The following C2CD3 variants were observed in gnomAD, a reference collection of about 807,000 sequenced individuals.
C2CD3 encodes C2 domain containing 3 centriole elongation regulator, also known as C2 domain-containing protein 3.
In C2CD3, 148 loss-of-function variants were observed where a neutral mutation model predicts 234.0. That is an observed-to-expected ratio of 0.63 (90% CI 0.55 to 0.72). The LOEUF (loss-of-function observed/expected upper bound fraction) is 0.72. Among genes scored for constraint, C2CD3 ranks in the 30% least tolerant of loss-of-function variants. C2CD3 has a pLI of 0.00. For synonymous variants in C2CD3, 1,000 were observed against 1,035.4 expected (o/e 0.97, Z 0.66); for missense variants, 2,577 against 2,811.5 (o/e 0.92, Z 1.89).
chr11:74,159,947 A>G (rs542077295), intron 3 of C2CD3, among the ~76,000 whole-genome samples: 5 of 152,176 alleles, frequency 3.3e-5, no homozygotes, highest in African/African-American at 4.8e-5. Context: ...TTCTATACTG[A>G]TATCTTTTAA....
rs561593950 is a variant in C2CD3, at chr11:74,126,264, T to C, written c.1218-3129A>G. 1.1e-3 allele frequency among the ~76,000 whole-genome samples: 164 copies of C among 152,334 alleles called. 2 individuals are homozygous for C. Among genetic ancestry groups the C allele is most frequent in the South Asian group, 1.4e-3 (7 of 4,828 alleles). Reference sequence around the variant, plus strand: ...TGTCATTCCAATTCCTGATACTGTATATGTGACCTTTATTCTTTCTCCCTC... The same window carrying C: ...TGTCATTCCAATTCCTGATACTGTACATGTGACCTTTATTCTTTCTCCCTC... On this transcript the variant is annotated intron_variant, in intron 7 of 32. Transcript: ENST00000334126.
At chr11:74,029,581 C>T (rs1952439706) in intron 31 of C2CD3, among the ~76,000 whole-genome samples, 1 of 152,216 alleles carries the variant, frequency 6.6e-6, no homozygotes, top group African/African-American at 2.4e-5. Context: ...GATCTATTTG[C>T]TGTTGCTGAA....
In C2CD3 at chr11:74,118,666, T is replaced by C. The variant is rs114513062; in HGVS notation, c.1366-284A>G. The stretch of plus-strand genomic sequence containing the variant: ...TATTATTTATTGACTATAGACCATA[T>C]GTCTGGTATTATGCTTAATGCTACA... On this transcript the variant is annotated intron_variant, in intron 8 of 32. Coordinates refer to ENST00000334126, the MANE Select transcript of C2CD3 (RefSeq NM_001286577.2). Among the ~76,000 whole-genome samples the C allele has an allele frequency of 4.2e-3, 647 of 152,318 alleles. 4 individuals carry two copies. The highest frequency in any genetic ancestry group is 0.015 in the African/African-American group (622 of 41,570).
At chr11:74,103,662 T>G in intron 13 of C2CD3, 37 bp from the exon 14 acceptor site, 1 of 1,546,112 alleles carries the variant, frequency 6.5e-7, no homozygotes. Context: ...AATAAGAATG[T>G]CCTTTAGAAT....
Position 74,100,591 on chromosome 11 carries a change from C to T in C2CD3, c.2666G>A (p.Ser889Asn). ...MVIETWNKVR[S>N]PGQDKLLGLV... ...CCCGAGCAGCTTGTCCTGTCCTGGGCTCCGCACCTTATTCCAAGTTTCAAT... is the reference window on the plus strand; with the variant it reads ...CCCGAGCAGCTTGTCCTGTCCTGGGTTCCGCACCTTATTCCAAGTTTCAAT... The change falls in exon 15 of 33, where the codon AGC becomes AAC. Residue 889 changes from serine to asparagine, a missense_variant. Ser to Asn is a conservative substitution (Grantham distance 46). Coordinates refer to ENST00000334126, the MANE Select transcript of C2CD3 (RefSeq NM_001286577.2). 6.2e-7 allele frequency: 1 copy of T among 1,614,148 alleles called. No homozygotes were observed.
intron 3 of C2CD3, among the ~76,000 whole-genome samples, chr11:74,144,218 T>C (rs1590929195): frequency 6.6e-6 from 1 of 152,168 alleles, no homozygotes; most frequent in Non-Finnish European, 1.5e-5. Context: ...TCTTATCATA[T>C]CCAACTAAAT....
rs772700346 is a variant in C2CD3, at chr11:74,084,891, G to C, written c.3990C>G (p.Ile1330Met). The change falls in exon 22 of 33, where the codon ATC (isoleucine) becomes ATG (methionine). Residue 1330 changes from isoleucine (I) to methionine (M), a missense_variant. Physicochemically the swap from Ile to Met is conservative, Grantham distance 10. Coordinates refer to ENST00000334126, the MANE Select transcript of C2CD3 (RefSeq NM_001286577.2). Reference protein sequence around the residue: ...VVKVPTKELLIKRSGITGWYP... With the variant: ...VVKVPTKELLMKRSGITGWYP... ...ATCCAGGATCCTTACCAGATCTCTT[G>C]ATCAGCAGCTCTTTTGTTGGAACTT... The C allele has an allele frequency of 6.2e-7, 1 of 1,602,110 alleles. No individual in the cohort carries two copies. Among genetic ancestry groups the C allele is most frequent in the Non-Finnish European group, 8.6e-7 (1 of 1,169,172 alleles).
chr11:74,143,535 T>TTATA (rs143669000), intron 3 of C2CD3, among the ~76,000 whole-genome samples: 77 of 145,858 alleles, frequency 5.3e-4, no homozygotes, highest in African/African-American at 7.7e-4. Flanking sequence ...TTTTATATAT[T>TTATA]TATATATATA....
At chr11:74,127,680 T>A (rs1248962148) in intron 7 of C2CD3, among the ~76,000 whole-genome samples, 1 of 152,082 alleles carries the variant, frequency 6.6e-6, no homozygotes, top group Non-Finnish European at 1.5e-5. Flanking sequence ...GTTTGAGGAG[T>A]GGACAGACTA....
intron 24 of C2CD3, among the ~76,000 whole-genome samples, chr11:74,059,974 C>T (rs901092400): frequency 3.3e-5 from 5 of 152,304 alleles, no homozygotes; most frequent in Admixed American, 2.0e-4. Flanking sequence ...GACTGTATCC[C>T]GCGCCTGGCT....
At chr11:74,066,795 A>G (rs1251712959) in intron 24 of C2CD3, among the ~76,000 whole-genome samples, 1 of 152,238 alleles carries the variant, frequency 6.6e-6, no homozygotes, top group Non-Finnish European at 1.5e-5. Flanking sequence ...AAGAATTTAC[A>G]GCACCATGTC....
At chr11:74,044,179 C>T (rs902437304) in intron 28 of C2CD3, among the ~76,000 whole-genome samples, 3 of 151,102 alleles carry the variant, frequency 2.0e-5, no homozygotes, top group African/African-American at 7.3e-5. Flanking sequence ...TATAACTGGC[C>T]GGGCACAGTG....
chr11:74,126,594 A>C (rs2135528126), intron 7 of C2CD3, among the ~76,000 whole-genome samples: 1 of 152,302 alleles, frequency 6.6e-6, no homozygotes. Flanking sequence ...GATACAAAAA[A>C]TTAGCTGGGC....
chr11:74,074,599 A>G lies in C2CD3; in HGVS notation c.4605T>C (p.Gly1535=). 2 of 1,607,014 alleles carry G rather than the reference A, an allele frequency of 1.2e-6. No individual in the cohort carries two copies. The highest frequency in any genetic ancestry group is 1.7e-4 in the Middle Eastern group (1 of 6,044). The change falls in exon 24 of 33, where the codon GGT becomes GGC. Residue 1535 remains glycine, a splice_region_variant and synonymous_variant. Coordinates refer to ENST00000334126, the MANE Select transcript of C2CD3 (RefSeq NM_001286577.2). ...CATTTCGTCCAAACAGAGGATACAC[A>G]CCTAAAAGAAGATGGAGAAGAATAA... ...ERSARTLTVS[G]VYPLFGRNAS... is the part of the protein sequence containing the mutation.
chr11:74,107,244 G>A (rs1321782989), intron 12 of C2CD3, among the ~76,000 whole-genome samples: 2 of 151,966 alleles, frequency 1.3e-5, no homozygotes, highest in African/African-American at 2.4e-5. Context: ...AGAATCGCTC[G>A]AACCCAGGAG....
intron 4 of C2CD3, among the ~76,000 whole-genome samples, chr11:74,139,314 C>G (rs1209129455): frequency 1.3e-5 from 2 of 152,172 alleles, no homozygotes; most frequent in Non-Finnish European, 2.9e-5. Flanking sequence ...CCCTCTTTTC[C>G]CTCATGAACA....
intron 18 of C2CD3, among the ~76,000 whole-genome samples, 191 bp from the exon 19 acceptor site, chr11:74,092,779 T>G (rs574415826): frequency 7.7e-4 from 116 of 151,550 alleles, no homozygotes; most frequent in African/African-American, 2.5e-3. Flanking sequence ...TTATACCGAG[T>G]TCAGGACAAA....
chr11:74,155,775 C>G (rs1251846314), intron 3 of C2CD3, among the ~76,000 whole-genome samples: 2 of 152,052 alleles, frequency 1.3e-5, no homozygotes, highest in Non-Finnish European at 2.9e-5. Context: ...TACAGTGTTT[C>G]TTTTTGGGGT....
rs778619521 is a variant in C2CD3, at chr11:74,095,406, T to C, written c.2982A>G (p.Ala994=). ...CCATCAGTCCATTTCCTCGGTCCTC[T>C]GCCTATTAAATGAAACAGAAACACT... ...DQPTAASVAM[A]EDRGNGLMEH... The change falls in exon 17 of 33, where the codon GCA becomes GCG. Residue 994 remains alanine, a splice_region_variant and synonymous_variant. Coordinates refer to ENST00000334126, the MANE Select transcript of C2CD3 (RefSeq NM_001286577.2). 1.9e-6 allele frequency: 3 copies of C among 1,608,706 alleles called. No homozygotes were observed. Among genetic ancestry groups the C allele is most frequent in the Admixed American group, 1.7e-5 (1 of 59,258 alleles).
Sources: allele counts gnomAD v4.1 joint callset (sites outside exome capture counted in the v4.1 genomes callset), GRCh38; gene constraint gnomAD v4.1.1; transcripts MANE v1.5; gene names NCBI Gene and HGNC (gene_info 2026-07-23, HGNC 2026-07-21).